The following ARRDC5 variants were observed in gnomAD, a reference collection of about 807,000 sequenced individuals.
ARRDC5 encodes arrestin domain containing 5.
ARRDC5 carries 12 observed loss-of-function variants against 13.3 expected under a neutral mutation model. The observed-to-expected ratio is 0.90, with a 90% CI of 0.58 to 1.46. The LOEUF (loss-of-function observed/expected upper bound fraction) is 1.46. Among genes scored for constraint, ARRDC5 ranks in the 40% most tolerant of loss-of-function variants. The pLI, the probability that ARRDC5 is intolerant of heterozygous loss-of-function variation, is 0.00. For synonymous variants in ARRDC5, 181 were observed against 173.4 expected, an observed-to-expected ratio of 1.04 and a Z score of -0.34; for missense variants, 406 against 418.7, an observed-to-expected ratio of 0.97 and a Z score of 0.26.
intron 2 of ARRDC5, among the ~76,000 whole-genome samples, chr19:4,892,273 T>G (rs2031539960): frequency 6.6e-6 from 1 of 151,974 alleles, no homozygotes; most frequent in South Asian, 2.1e-4. Flanking sequence ...GTATTTTTAG[T>G]AGAGACAGGG....
At chr19:4,906,211 G>T (rs569092332), upstream of ARRDC5, among the ~76,000 whole-genome samples, 2 of 152,150 alleles carry the variant, frequency 1.3e-5, no homozygotes, top group Non-Finnish European at 2.9e-5. Context: ...ACTCCCGGGC[G>T]CAAGAGATCA....
chr19:4,901,650 A>C (rs2602718), intron 1 of ARRDC5, among the ~76,000 whole-genome samples: 23,472 of 152,146 alleles, frequency 0.15, 2,378 homozygotes, highest in Non-Finnish European at 0.23. Context: ...ATACAAATAA[A>C]TAAATACAGA....
At chr19:4,904,011 C>G (rs530471983), upstream of ARRDC5, among the ~76,000 whole-genome samples, 1 of 151,824 alleles carries the variant, frequency 6.6e-6, no homozygotes, top group Non-Finnish European at 1.5e-5. Context: ...GAATCTCACT[C>G]TGTTGCCCAG....
chr19:4,909,591 T>C, the ARRDC5 span: 1 of 649,152 alleles, frequency 1.5e-6, no homozygotes, highest in East Asian at 3.3e-5. Flanking sequence ...ACGCACGCGG[T>C]TTCATCGCCA....
upstream of ARRDC5, among the ~76,000 whole-genome samples, chr19:4,905,797 G>T (rs896051604): frequency 1.4e-4 from 21 of 152,140 alleles, no homozygotes; most frequent in Admixed American, 1.2e-3. Flanking sequence ...GATTACAGGC[G>T]TGAGCCACTG....
intron 1 of ARRDC5, among the ~76,000 whole-genome samples, chr19:4,897,756 G>A (rs976552923): frequency 3.2e-4 from 48 of 152,152 alleles, no homozygotes; most frequent in African/African-American, 1.1e-3. Flanking sequence ...GCCACAAGCA[G>A]TCCTCCTGCC....
At chr19:4,902,009 C>A (rs1330236451) in intron 1 of ARRDC5, among the ~76,000 whole-genome samples, 8 of 152,156 alleles carry the variant, frequency 5.3e-5, no homozygotes, top group African/African-American at 1.9e-4. Context: ...GCTTCAGCCT[C>A]CCAAGTAGCT....
chr19:4,910,849 G>A, the ARRDC5 span: 2 of 1,579,850 alleles, frequency 1.3e-6, no homozygotes, highest in East Asian at 2.3e-5. Context: ...TAAAACTGAT[G>A]GGGGTTTTTG....
In ARRDC5 at chr19:4,901,601, G is replaced by T. The variant is rs192485677; in HGVS notation, c.253+972C>A. Among the ~76,000 whole-genome samples the T allele has an allele frequency of 2.7e-3, 410 of 152,208 alleles. 6 individuals carry two copies. Among genetic ancestry groups the T allele is most frequent in the Admixed American group, 0.025 (381 of 15,250 alleles). ...TTCACTCCAGCCTGGGAAGCAGGGC[G>T]AGACTGTGTCTCAAAAAATAGATAA... On this transcript the variant is annotated intron_variant, in intron 1 of 2. Transcript: ENST00000650722.
the ARRDC5 span, among the ~76,000 whole-genome samples, chr19:4,915,157 C>G: frequency 6.6e-6 from 1 of 152,212 alleles, no homozygotes; most frequent in African/African-American, 2.4e-5. Context: ...CAGGAATGGC[C>G]TTGCAAGAGT....
At chr19:4,903,149 C>T (rs535047343), upstream of ARRDC5, 1 of 320,244 alleles carries the variant, frequency 3.1e-6, no homozygotes, top group Non-Finnish European at 6.0e-6. Flanking sequence ...GCCTCAGCCT[C>T]CTGAGTAGCT....
At chr19:4,910,702 A>G in the ARRDC5 span, 1 of 579,698 alleles carries the variant, frequency 1.7e-6, no homozygotes, top group Non-Finnish European at 2.8e-6. Flanking sequence ...TAAGTGCTTA[A>G]TTTGTTGTGT....
At chr19:4,896,346 ATATTTT>A (rs1354311252) in intron 2 of ARRDC5, among the ~76,000 whole-genome samples, 950 of 72,006 alleles carry the variant, frequency 0.013, 22 homozygotes, top group Middle Eastern at 0.036. Context: ...ATATATATAT[ATATTTT>A]TTTTTTTTTA....
At chr19:4,909,471 CA>C in the ARRDC5 span, 1 of 653,722 alleles carries the variant, frequency 1.5e-6, no homozygotes, top group South Asian at 1.6e-5. Flanking sequence ...CCGCAACTCC[CA>C]AATGCCGAGT....
At chr19:4,906,819 A>G (rs1262386821), upstream of ARRDC5, among the ~76,000 whole-genome samples, 1 of 152,214 alleles carries the variant, frequency 6.6e-6, no homozygotes, top group Non-Finnish European at 1.5e-5. Context: ...AGTTTTCGCA[A>G]CAGCGCTACA....
the ARRDC5 span, among the ~76,000 whole-genome samples, chr19:4,908,045 T>G: frequency 1.3e-5 from 2 of 152,190 alleles, no homozygotes; most frequent in Admixed American, 1.3e-4. Context: ...TGCTTCCACT[T>G]TCCCATCTCC....
chr19:4,911,581 G>GGCTGCT, the ARRDC5 span, among the ~76,000 whole-genome samples: 4 of 152,154 alleles, frequency 2.6e-5, no homozygotes, highest in Non-Finnish European at 5.9e-5. Flanking sequence ...GCTGTGCTGC[G>GGCTGCT]GCTGCTGCTG....
chr19:4,909,670 C>T, the ARRDC5 span: 11 of 516,510 alleles, frequency 2.1e-5, no homozygotes, highest in Admixed American at 4.3e-4. Flanking sequence ...GCGGGCGGGC[C>T]GGGTCGGGGT....
chr19:4,891,172 C>G lies in ARRDC5; in HGVS notation c.861G>C (p.Leu287=). 1 of 1,613,966 alleles carries G rather than the reference C, an allele frequency of 6.2e-7. No homozygotes were observed. ...CCTTGAGGCTGGTCAGGGACCAGGG[C>G]AGGTGCACGGTGGTGACCAGCTCGT... ...TRYELVTTVH[L]PWSLTSLKAK... Residue 287 remains leucine, a synonymous_variant, in exon 3 of 3, where the codon CTG becomes CTC. Transcript: ENST00000650722.
Sources: gnomAD v4.1 joint callset for allele counts (sites outside exome capture counted in the v4.1 genomes callset) on GRCh38, gnomAD v4.1.1 for gene constraint, MANE v1.5 for transcripts, NCBI Gene and HGNC (gene_info 2026-07-23, HGNC 2026-07-21) for gene names.